Variants in NOTCH3 observed in about 807,000 individuals in gnomAD.
NOTCH3 encodes the protein notch receptor 3.
NOTCH3 carries 86 observed loss-of-function variants against 213.3 expected under a neutral mutation model. The ratio of observed to expected loss-of-function variants is 0.40; its 90% CI spans 0.34 to 0.48. The LOEUF (loss-of-function observed/expected upper bound fraction) is 0.48. Among genes scored for constraint, NOTCH3 ranks in the 20% least tolerant of loss-of-function variants. The pLI, the probability that NOTCH3 is intolerant of heterozygous loss-of-function variation, is 0.57. For synonymous variants in NOTCH3, 1,354 were observed against 1,355.9 expected, an observed-to-expected ratio of 1.00 and a Z score of 0.03; for missense variants, 2,783 against 3,272.6, an observed-to-expected ratio of 0.85 and a Z score of 3.65.
At chr19:15,166,193 A>AAACG in intron 29 of NOTCH3, 102 bp from the exon 30 acceptor site, 1 of 1,002,344 alleles carries the variant, frequency 1.0e-6, no homozygotes. Flanking sequence ...CACATGGAAA[A>AAACG]ATGACAATTA....
At chr19:15,172,569 C>A (rs1401801316) in intron 25 of NOTCH3, among the ~76,000 whole-genome samples, 2 of 152,090 alleles carry the variant, frequency 1.3e-5, no homozygotes, top group East Asian at 1.9e-4. Context: ...CAGAGACCCA[C>A]CCCTCTCAGG....
chr19:15,184,217 C>T (rs1198875827), intron 16 of NOTCH3, 78 bp downstream of exon 16: 13 of 1,381,254 alleles, frequency 9.4e-6, no homozygotes, highest in South Asian at 4.7e-5. Flanking sequence ...GAAATGACAG[C>T]ACAGTGCCAG....
rs538972392 is a variant in NOTCH3, at chr19:15,193,848, C to CT, written c.198-1330dup. 2.0e-5 allele frequency among the ~76,000 whole-genome samples: 3 copies of CT among 149,228 alleles called. No individual in the cohort carries two copies. In the South Asian group the frequency reaches 6.4e-4, roughly 32 times the overall value. ...CCTGTAATCCCAGCACTCTGGGAGA[C>CT]TGAGGTGGGCGGATCACGAGGTCAG... On this transcript the variant is annotated intron_variant, in intron 2 of 32. Transcript: ENST00000263388.
In NOTCH3 at chr19:15,187,193, G is replaced by A. The variant is rs201207820; in HGVS notation, c.1752C>T (p.Asp584=). 42 of 1,614,040 alleles carry A rather than the reference G, an allele frequency of 2.6e-5. No homozygotes were observed. In the East Asian group the frequency reaches 3.6e-4, roughly 14 times the overall value. The change falls in exon 11 of 33, where the codon GAC becomes GAT. Residue 584 remains aspartate (D), a synonymous_variant. Transcript: ENST00000263388. ...GGCGGCAGGGCTGGCTGCGGCATTC[G>A]TCCACCTGGCTCTCGCAGCGTGTGC... The part of the protein sequence containing the change: ...YTGTRCESQV[D]ECRSQPCRHG...
chr19:15,178,991 G>A (rs199794650), intron 22 of NOTCH3, 34 bp downstream of exon 22: 31 of 1,614,026 alleles, frequency 1.9e-5, no homozygotes, highest in Middle Eastern at 1.6e-4. Flanking sequence ...AATGACAGGC[G>A]GGGTCCCAGG....
Position 15,178,048 on chromosome 19 carries a change from G to GCTCGA in NOTCH3, c.3879_3880insTCGAG (p.Arg1294SerfsTer128). The GCTCGA allele has an allele frequency of 6.6e-7, 1 of 1,519,416 alleles. No homozygotes were observed. The highest frequency in any genetic ancestry group is 1.2e-5 in the South Asian group (1 of 83,252). The allele number at this position is 1,519,416 out of a possible 1,614,324, so 94.1% of individuals were successfully genotyped here. ...ACGCCCACCGGGCACTGCAGCTCCC[G>GCTCGA]GCAGGAGCGCGCCACCCGCTCGCAA... On this transcript the variant is annotated frameshift_variant, in exon 24 of 33. Transcript: ENST00000263388. LOFTEE classifies it high-confidence loss of function.
rs1485054444 is a variant in NOTCH3 at position 15,173,070 on chromosome 19, T to C, written c.4736+998A>G. 2.4e-3 allele frequency among the ~76,000 whole-genome samples: 25 copies of C among 10,310 alleles called. 2 individuals carry two copies. The highest frequency in any genetic ancestry group is 0.023 in the South Asian group (5 of 218). 6.8% of individuals were successfully genotyped at this position (10,310 alleles called of 152,430 possible). On this transcript the variant is annotated intron_variant, in intron 25 of 32. Transcript: ENST00000263388. ...CCCTCCTCCCTCTTCTTCTTCTTCT[T>C]CTTCTTCTTCTTCTTCTTCTTCTTC...
intron 2 of NOTCH3, among the ~76,000 whole-genome samples, chr19:15,196,052 A>G (rs2145449185): frequency 6.7e-6 from 1 of 149,372 alleles, no homozygotes; most frequent in East Asian, 2.0e-4. Flanking sequence ...GCTTGGGGGC[A>G]TCCTTGAAAG....
chr19:15,197,786 C>A (rs1250263562), intron 1 of NOTCH3, among the ~76,000 whole-genome samples: 1 of 149,632 alleles, frequency 6.7e-6, no homozygotes, highest in Non-Finnish European at 1.5e-5. Context: ...GCTGTCCCTG[C>A]CAGCTCGAGC....
In NOTCH3 at chr19:15,184,266, A is replaced by C. The variant is rs371101307; in HGVS notation, c.2566+29T>G. On this transcript the variant is annotated intron_variant, in intron 16 of 32. Coordinates refer to ENST00000263388, the MANE Select transcript of NOTCH3 (RefSeq NM_000435.3). ...GCTTAATGACTGTGTTCCCCAGAGC[A>C]GCACCCCCAAGAGCTCCCCTGCACT... 4.6e-5 allele frequency: 74 copies of C among 1,610,270 alleles called. No individual in the cohort carries two copies. The African/African-American group carries it at 9.6e-4, about 21-fold the overall frequency.
rs913518907 is a variant in NOTCH3, at chr19:15,186,795, A to C, written c.1951+83T>G. The C allele has an allele frequency of 3.6e-6, 4 of 1,104,778 alleles. No homozygotes were observed. In the African/African-American group the frequency reaches 4.6e-5, roughly 13 times the overall value. 68.4% of individuals were successfully genotyped at this position (1,104,778 alleles called of 1,614,324 possible). ...AACCTCGTTGGACAAGAGTCTGCAA[A>C]GATACGGGCAAAACAGGCCCACAGA... On this transcript the variant is annotated intron_variant, in intron 12 of 32. Coordinates refer to ENST00000263388, the MANE Select transcript of NOTCH3 (RefSeq NM_000435.3).
Position 15,189,056 on chromosome 19 carries a change from C to T in NOTCH3, c.1311G>A (p.Ser437=), listed in dbSNP as rs751762114. The change falls in exon 8 of 33, where the codon TCG becomes TCA. Residue 437 remains serine, a synonymous_variant. Transcript: ENST00000263388. ...RCETDVNECL[S]GPCRNQATCL... The stretch of plus-strand genomic sequence containing the variant: ...ACGTGGCCTGGTTTCGGCAGGGCCC[C>T]GACAGACACTCGTTGACATCGGTCT... 5 of 1,613,162 alleles carry T rather than the reference C, an allele frequency of 3.1e-6. No homozygotes were observed. The highest frequency in any genetic ancestry group is 3.3e-5 in the Admixed American group (2 of 60,028).
At position 15,191,831 on chromosome 19, in the gene NOTCH3, T is replaced by A. The variant is rs2145440821; in HGVS notation, c.716A>T (p.Asp239Val). ...EGQNCEVNVD[D>V]CPGHRCLNGG... ...ATTGAGACATCGGTGTCCTGGACAG[T>A]CGTCCACGTTCACTTCACAATTCTG... The change falls in exon 5 of 33, where the codon GAC (aspartate) becomes GTC (valine). Residue 239 changes from aspartate to valine, a missense_variant. Asp to Val is a radical substitution (Grantham distance 152, BLOSUM62 -3). Around this residue, in one of 6 missense-constraint regions of NOTCH3, gnomAD observed 708 missense variants for 906.6 expected, o/e 0.78. Coordinates refer to ENST00000263388, the MANE Select transcript of NOTCH3 (RefSeq NM_000435.3). 6.2e-7 allele frequency: 1 copy of A among 1,613,952 alleles called. No individual in the cohort carries two copies. Among genetic ancestry groups the A allele is most frequent in the South Asian group, 1.1e-5 (1 of 91,082 alleles).
chr19:15,161,481 GA>G lies in NOTCH3; in HGVS notation c.6146del (p.Phe2049SerfsTer36). On this transcript the variant is annotated frameshift_variant, in exon 33 of 33. Coordinates refer to ENST00000263388, the MANE Select transcript of NOTCH3 (RefSeq NM_000435.3). LOFTEE classifies it low-confidence loss of function (END_TRUNC). ...LGPLLCPPGA[F>X]LPGLKAAQSG... ...ACTGTGCCGCTTTGAGGCCAGGGAGGAAGGCCCCTGGAGGACAGAGCAGAGG... is the reference window on the plus strand; with the variant it reads ...ACTGTGCCGCTTTGAGGCCAGGGAGGAGGCCCCTGGAGGACAGAGCAGAGG... The G allele has an allele frequency of 6.3e-7, 1 of 1,580,246 alleles. No individual in the cohort carries two copies.
chr19:15,160,518 G>T lies in NOTCH3; in HGVS notation c.*144C>A. On this transcript the variant is annotated 3_prime_UTR_variant, in exon 33 of 33. Transcript: ENST00000263388. Reference sequence around the variant, plus strand: ...AGCCCTGGGCTGATGACCTATCTCGGTCACGCTGCAAGGCAAGGATGCAGG... The same window carrying T: ...AGCCCTGGGCTGATGACCTATCTCGTTCACGCTGCAAGGCAAGGATGCAGG... 1.3e-6 allele frequency: 1 copy of T among 789,254 alleles called. No homozygotes were observed. 48.9% of individuals were successfully genotyped at this position (789,254 alleles called of 1,614,324 possible).
chr19:15,189,459 G>A (rs753551967), intron 6 of NOTCH3, 31 bp from the exon 7 acceptor site: 6 of 1,612,644 alleles, frequency 3.7e-6, no homozygotes, highest in Non-Finnish European at 5.1e-6. Flanking sequence ...GTCATAGGCA[G>A]ATCTTCCTGC....
At position 15,187,315 on chromosome 19, in the gene NOTCH3, G is replaced by A. The variant is rs201118034; in HGVS notation, c.1630C>T (p.Arg544Cys). 5.9e-5 allele frequency: 96 copies of A among 1,613,780 alleles called. No individual in the cohort carries two copies. The East Asian group carries it at 1.4e-3, about 24-fold the overall frequency. Residue 544 changes from arginine (R) to cysteine (C), a missense_variant, in exon 11 of 33, where the codon CGC becomes TGC. Arg to Cys is a radical substitution (Grantham distance 180). This residue lies in a region of NOTCH3 where 708 missense variants were observed against 906.6 expected (regional missense o/e 0.78). Coordinates refer to ENST00000263388, the MANE Select transcript of NOTCH3 (RefSeq NM_000435.3). ...TCAGGGGAGCAGTCGTCCACGTTGCGATCACACAGCGTGCCCTCAAAGCCT... is the reference window on the plus strand; with the variant it reads ...TCAGGGGAGCAGTCGTCCACGTTGCAATCACACAGCGTGCCCTCAAAGCCT... ...AEGFEGTLCDRNVDDCSPDPC... is the reference protein window; with the variant it reads ...AEGFEGTLCDCNVDDCSPDPC...
Position 15,178,047 on chromosome 19 carries a change from C to T in NOTCH3, c.3881G>A (p.Arg1294Gln), listed in dbSNP as rs1200376884. The T allele has an allele frequency of 2.6e-6, 4 of 1,517,494 alleles. No individual in the cohort carries two copies. The highest frequency in any genetic ancestry group is 1.2e-5 in the South Asian group (1 of 83,236). 94.0% of individuals were successfully genotyped at this position (1,517,494 alleles called of 1,614,324 possible). ...GACGCCCACCGGGCACTGCAGCTCC[C>T]GGCAGGAGCGCGCCACCCGCTCGCA... ...PRCERVARSC[R>Q]ELQCPVGVPC... Residue 1294 changes from arginine to glutamine, a missense_variant, in exon 24 of 33, where the codon CGG (arginine) becomes CAG (glutamine). Around this residue, in one of 6 missense-constraint regions of NOTCH3, gnomAD observed 861 missense variants for 909.1 expected, o/e 0.95. Transcript: ENST00000263388.
Position 15,192,281 on chromosome 19 carries a change from G to A in NOTCH3, c.358C>T (p.Pro120Ser), listed in dbSNP as rs1197873136. The A allele has an allele frequency of 6.2e-7, 1 of 1,602,346 alleles. No homozygotes were observed. Among genetic ancestry groups the A allele is most frequent in the Admixed American group, 1.7e-5 (1 of 57,964 alleles). ...CAAGGGCTGCTGAGGCAGGGATCTGGCAGGGAGCAGTCAGGGCCTGGAGGG... is the reference window on the plus strand; with the variant it reads ...CAAGGGCTGCTGAGGCAGGGATCTGACAGGGAGCAGTCAGGGCCTGGAGGG... The part of the protein sequence containing the change: ...RGFRGPDCSL[P>S]DPCLSSPCAH... Residue 120 changes from proline to serine, a missense_variant, in exon 4 of 33, where the codon CCA becomes TCA. Pro to Ser is a moderately conservative substitution (Grantham distance 74). Transcript: ENST00000263388.
Sources: allele counts gnomAD v4.1 joint callset (sites outside exome capture counted in the v4.1 genomes callset), GRCh38; gene constraint gnomAD v4.1.1; regional missense constraint gnomAD v4.1.1; transcripts MANE v1.5; gene names NCBI Gene and HGNC (gene_info 2026-07-23, HGNC 2026-07-21).